NR3C2: variants seen among roughly 807,000 people sequenced by gnomAD.
The protein encoded by NR3C2 is nuclear receptor subfamily 3 group C member 2, also known as mineralocorticoid receptor.
In NR3C2, 15 loss-of-function variants were observed where a neutral mutation model predicts 86.4. That is an observed-to-expected ratio of 0.17 (90% CI 0.12 to 0.27). The LOEUF is 0.27. NR3C2 is among the 10% of genes least tolerant of loss of function. The probability of loss-of-function intolerance (pLI) is 1.00; values close to 1 mark genes in which losing one functional copy is unlikely to be tolerated. For missense variants in NR3C2, 960 were observed against 1,195.6 expected (o/e 0.80, Z 2.91); for synonymous variants, 458 against 450.5 (o/e 1.02, Z -0.21).
At chr4:148,381,843 T>C (rs1747008162) in intron 2 of NR3C2, among the ~76,000 whole-genome samples, 1 of 152,196 alleles carries the variant, frequency 6.6e-6, no homozygotes, top group African/African-American at 2.4e-5. Context: ...ATTTTTCAGA[T>C]GTTCTGGTCT....
intron 2 of NR3C2, among the ~76,000 whole-genome samples, chr4:148,403,315 T>G (rs547502708): frequency 2.6e-5 from 4 of 152,068 alleles, no homozygotes; most frequent in Non-Finnish European, 5.9e-5. Flanking sequence ...TAGCCCTTAA[T>G]TTTTTACACT....
At chr4:148,187,157 A>T (rs1735967106) in intron 4 of NR3C2, among the ~76,000 whole-genome samples, 1 of 151,232 alleles carries the variant, frequency 6.6e-6, no homozygotes, top group Non-Finnish European at 1.5e-5. Context: ...GCAGTTGTGA[A>T]TTGTGCTGTT....
intron 2 of NR3C2, among the ~76,000 whole-genome samples, chr4:148,328,720 A>G (rs1174496034): frequency 6.6e-6 from 1 of 152,190 alleles, no homozygotes; most frequent in African/African-American, 2.4e-5. Flanking sequence ...TCAACTCTCA[A>G]TTAACAAAGG....
chr4:148,363,506 C>CTTTTTTTTTT lies in NR3C2; in HGVS notation c.1757+71588_1757+71597dup, dbSNP rs58978966. On this transcript the variant is annotated intron_variant, in intron 2 of 8. Transcript: ENST00000358102. ...TAAAGTCTAGACTTCTCATAGATCT[C>CTTTTTTTTTT]TTTTTTTTTTTTTTTGAGACGGAGT... Among the ~76,000 whole-genome samples, 10 of 110,760 alleles carry CTTTTTTTTTT rather than the reference C, an allele frequency of 9.0e-5. 1 individual carries two copies. Among genetic ancestry groups the CTTTTTTTTTT allele is most frequent in the Non-Finnish European group, 1.7e-4 (10 of 57,846 alleles). The allele number at this position is 110,760 out of a possible 152,430, so 72.7% of individuals were successfully genotyped here.
chr4:148,250,932 T>A (rs1257339223), intron 3 of NR3C2, among the ~76,000 whole-genome samples: 2 of 152,042 alleles, frequency 1.3e-5, no homozygotes, highest in African/African-American at 4.8e-5. Flanking sequence ...CCAGTCTCCA[T>A]CACCTTTTTC....
At chr4:148,169,417 G>T (rs554349272) in intron 4 of NR3C2, among the ~76,000 whole-genome samples, 1 of 151,926 alleles carries the variant, frequency 6.6e-6, no homozygotes, top group South Asian at 2.1e-4. Flanking sequence ...ACTGAGAAAA[G>T]AAATTAGAAA....
chr4:148,410,623 C>T (rs552102591), intron 2 of NR3C2, among the ~76,000 whole-genome samples: 17 of 152,186 alleles, frequency 1.1e-4, no homozygotes, highest in African/African-American at 2.6e-4. Context: ...CTATGTACAA[C>T]GGCCAGGGAC....
chr4:148,403,315 T>C (rs547502708), intron 2 of NR3C2, among the ~76,000 whole-genome samples: 20 of 152,186 alleles, frequency 1.3e-4, no homozygotes, highest in African/African-American at 4.8e-4. Flanking sequence ...TAGCCCTTAA[T>C]TTTTTACACT....
chr4:148,122,136 C>T (rs186565102), intron 6 of NR3C2, among the ~76,000 whole-genome samples: 3 of 152,222 alleles, frequency 2.0e-5, no homozygotes, highest in African/African-American at 4.8e-5. Context: ...CTTTTATTTC[C>T]ATTTCCATCA....
At chr4:148,178,931 G>GT (rs1282166798) in intron 4 of NR3C2, among the ~76,000 whole-genome samples, 15 of 109,914 alleles carry the variant, frequency 1.4e-4, no homozygotes, top group African/African-American at 1.9e-4. Flanking sequence ...AAAGAAGCAG[G>GT]TAAAAAAAAA....
At chr4:148,318,025 C>A (rs1278276706) in intron 2 of NR3C2, among the ~76,000 whole-genome samples, 2 of 120,300 alleles carry the variant, frequency 1.7e-5, no homozygotes. Flanking sequence ...TCCCTCCCCC[C>A]TCCCCCCACC....
At chr4:148,294,823 T>C (rs774328661) in intron 2 of NR3C2, among the ~76,000 whole-genome samples, 1 of 150,180 alleles carries the variant, frequency 6.7e-6, no homozygotes, top group Non-Finnish European at 1.5e-5. Context: ...CAAAAAAAAA[T>C]AAAAAAAATA....
At chr4:148,323,420 C>T (rs1372341621) in intron 2 of NR3C2, among the ~76,000 whole-genome samples, 2 of 146,240 alleles carry the variant, frequency 1.4e-5, no homozygotes, top group Non-Finnish European at 3.0e-5. Flanking sequence ...GTTCGAGCTT[C>T]CTGGCTGCTT....
intron 2 of NR3C2, among the ~76,000 whole-genome samples, chr4:148,350,658 C>T (rs943236404): frequency 1.3e-5 from 2 of 152,086 alleles, no homozygotes; most frequent in African/African-American, 4.8e-5. Flanking sequence ...TCCTCCTCTG[C>T]TTTTGGAAGC....
intron 3 of NR3C2, among the ~76,000 whole-genome samples, chr4:148,254,604 A>G (rs1739737110): frequency 6.6e-6 from 1 of 152,206 alleles, no homozygotes; most frequent in Non-Finnish European, 1.5e-5. Context: ...GGAAGGAGGA[A>G]AGGAGTGTTC....
intron 8 of NR3C2, among the ~76,000 whole-genome samples, chr4:148,088,878 A>G (rs1730938746): frequency 6.6e-6 from 1 of 152,132 alleles, no homozygotes; most frequent in East Asian, 1.9e-4. Flanking sequence ...CTGCTATTCC[A>G]TTTACTAGGA....
intron 2 of NR3C2, among the ~76,000 whole-genome samples, chr4:148,264,652 A>ATG (rs1740288382): frequency 6.6e-6 from 1 of 152,192 alleles, no homozygotes; most frequent in Non-Finnish European, 1.5e-5. Context: ...ATTCTCAGCA[A>ATG]AAAGAGGTTC....
intron 2 of NR3C2, among the ~76,000 whole-genome samples, chr4:148,341,473 G>A (rs1443504005): frequency 4.6e-5 from 7 of 152,102 alleles, no homozygotes; most frequent in Non-Finnish European, 8.8e-5. Context: ...AGGGAACGAC[G>A]AAGAGAGGTT....
intron 2 of NR3C2, among the ~76,000 whole-genome samples, chr4:148,362,985 C>T (rs566398332): frequency 6.4e-4 from 97 of 152,250 alleles, no homozygotes; most frequent in African/African-American, 1.8e-3. Context: ...CAACGGGATG[C>T]GGTTGAAAAG....
Sources: gnomAD v4.1 joint callset for allele counts (sites outside exome capture counted in the v4.1 genomes callset) on GRCh38, gnomAD v4.1.1 for gene constraint, MANE v1.5 for transcripts, NCBI Gene and HGNC (gene_info 2026-07-23, HGNC 2026-07-21) for gene names.